Variants in CHCHD6 observed in about 807,000 individuals in gnomAD.
CHCHD6 encodes MICOS complex subunit MIC25.
A neutral mutation model predicts 32.3 loss-of-function variants in CHCHD6; 28 were observed. The ratio of observed to expected loss-of-function variants is 0.87; its 90% CI spans 0.64 to 1.19. The LOEUF is 1.19. CHCHD6 is among the 50% of genes most tolerant of loss of function. The pLI is 0.00. For synonymous variants in CHCHD6, 122 were observed against 117.5 expected (o/e 1.04, Z -0.25); for missense variants, 333 against 307.0 (o/e 1.08, Z -0.63).
At chr3:126,943,219 C>T (rs1271135859) in intron 6 of CHCHD6, among the ~76,000 whole-genome samples, 2 of 152,200 alleles carry the variant, frequency 1.3e-5, no homozygotes, top group Admixed American at 6.5e-5. Flanking sequence ...CACTACCACC[C>T]CACTCCCTGT....
At chr3:126,789,892 G>C (rs574193591) in intron 4 of CHCHD6, among the ~76,000 whole-genome samples, 1 of 126,654 alleles carries the variant, frequency 7.9e-6, no homozygotes, top group Non-Finnish European at 1.6e-5. Flanking sequence ...TATTTTGCTC[G>C]TTAGTTGATG....
intron 5 of CHCHD6, among the ~76,000 whole-genome samples, chr3:126,868,701 T>A (rs2077423233): frequency 6.6e-6 from 1 of 152,160 alleles, no homozygotes; most frequent in African/African-American, 2.4e-5. Context: ...TAGAACACAG[T>A]CTATTTTGAA....
chr3:126,727,162 G>A lies in CHCHD6; in HGVS notation c.172G>A (p.Gly58Ser). The A allele has an allele frequency of 6.2e-7, 1 of 1,612,942 alleles. No individual in the cohort carries two copies. Among genetic ancestry groups the A allele is most frequent in the Non-Finnish European group, 8.5e-7 (1 of 1,178,930 alleles). Residue 58 changes from glycine to serine, a missense_variant, in exon 2 of 8, where the codon GGC (glycine) becomes AGC (serine). Physicochemically the swap from Gly to Ser is moderately conservative, Grantham distance 56. Transcript: ENST00000290913. ...PTSSTFGLQD[G>S]NLRAPHKEST... ...ATCTTCTACCTTTGGCCTTCAAGAT[G>A]GCAACTTGAGAGCCCCTCACAAAGG...
intron 6 of CHCHD6, among the ~76,000 whole-genome samples, chr3:126,920,486 C>G (rs897243408): frequency 5.3e-5 from 8 of 152,164 alleles, no homozygotes; most frequent in African/African-American, 1.9e-4. Context: ...TTGGTGAGCT[C>G]TAAACCACAT....
intron 5 of CHCHD6, among the ~76,000 whole-genome samples, chr3:126,906,118 G>C (rs1225521497): frequency 6.6e-6 from 1 of 152,156 alleles, no homozygotes; most frequent in Non-Finnish European, 1.5e-5. Flanking sequence ...TCCCACTCCA[G>C]CTGCTGTCTT....
chr3:126,732,823 C>CCAGGAA (rs1935870019), intron 3 of CHCHD6, among the ~76,000 whole-genome samples: 2 of 152,226 alleles, frequency 1.3e-5, no homozygotes, highest in Admixed American at 6.5e-5. Context: ...GGCCAGGTCT[C>CCAGGAA]CTCCTGTTCC....
At chr3:126,941,305 T>C (rs1025998681) in intron 6 of CHCHD6, among the ~76,000 whole-genome samples, 3 of 152,260 alleles carry the variant, frequency 2.0e-5, no homozygotes, top group African/African-American at 7.2e-5. Context: ...CACCTAATCA[T>C]ATGCTAAATT....
intron 4 of CHCHD6, among the ~76,000 whole-genome samples, chr3:126,764,768 C>T (rs760275166): frequency 1.3e-5 from 2 of 152,172 alleles, no homozygotes; most frequent in South Asian, 2.1e-4. Flanking sequence ...TCCAGGCAAA[C>T]GGATCAGGCT....
chr3:126,757,921 A>G (rs1937023761), intron 4 of CHCHD6, among the ~76,000 whole-genome samples: 1 of 152,228 alleles, frequency 6.6e-6, no homozygotes, highest in Non-Finnish European at 1.5e-5. Flanking sequence ...GGTATAAACA[A>G]AACAAATCTG....
chr3:126,958,611 CTT>C (rs893861852), intron 7 of CHCHD6, among the ~76,000 whole-genome samples: 2 of 152,244 alleles, frequency 1.3e-5, no homozygotes, highest in Non-Finnish European at 2.9e-5. Flanking sequence ...TTGTTCCACT[CTT>C]TGCTGGTCAC....
chr3:126,736,221 G>A (rs530967372), intron 4 of CHCHD6, among the ~76,000 whole-genome samples: 16 of 152,324 alleles, frequency 1.1e-4, no homozygotes, highest in Middle Eastern at 3.4e-3. Flanking sequence ...TGCATCTTCC[G>A]CATGGAAAGG....
intron 4 of CHCHD6, among the ~76,000 whole-genome samples, chr3:126,832,508 A>T (rs1245840209): frequency 6.6e-6 from 1 of 152,026 alleles, no homozygotes; most frequent in Non-Finnish European, 1.5e-5. Context: ...AGCTGGCAAG[A>T]TCCTTCCTGC....
intron 1 of CHCHD6, among the ~76,000 whole-genome samples, chr3:126,713,259 C>T (rs1934844954): frequency 6.6e-6 from 1 of 152,170 alleles, no homozygotes; most frequent in Admixed American, 6.5e-5. Flanking sequence ...CGGGGAAAAG[C>T]TTGTCTCCCT....
intron 4 of CHCHD6, among the ~76,000 whole-genome samples, chr3:126,774,809 A>G (rs1161499637): frequency 2.0e-5 from 3 of 152,196 alleles, no homozygotes; most frequent in Non-Finnish European, 2.9e-5. Flanking sequence ...TTGTTATCTA[A>G]AAGTTTACTG....
intron 2 of CHCHD6, among the ~76,000 whole-genome samples, chr3:126,728,563 T>C (rs1022015016): frequency 2.0e-5 from 3 of 152,156 alleles, no homozygotes; most frequent in African/African-American, 7.2e-5. Flanking sequence ...TGTCCTTTAC[T>C]AATAGGGCTC....
At chr3:126,929,547 C>T (rs571189212) in intron 6 of CHCHD6, among the ~76,000 whole-genome samples, 1 of 151,432 alleles carries the variant, frequency 6.6e-6, no homozygotes, top group South Asian at 2.1e-4. Context: ...TATATAGATT[C>T]TGTCATCTCT....
intron 6 of CHCHD6, among the ~76,000 whole-genome samples, chr3:126,945,816 A>G (rs2078629457): frequency 1.3e-5 from 2 of 151,124 alleles, no homozygotes; most frequent in South Asian, 2.1e-4. Context: ...TGGGGAGACT[A>G]AAGGGGTAAA....
chr3:126,731,525 G>A (rs1935804048), intron 3 of CHCHD6, among the ~76,000 whole-genome samples: 1 of 152,138 alleles, frequency 6.6e-6, no homozygotes. Flanking sequence ...TATATATCAT[G>A]CACATGAGCA....
chr3:126,814,435 A>G (rs1263457430), intron 4 of CHCHD6, among the ~76,000 whole-genome samples: 1 of 152,230 alleles, frequency 6.6e-6, no homozygotes, highest in Non-Finnish European at 1.5e-5. Context: ...TAACTTCAGC[A>G]TGGGACTGGT....
Sources: gnomAD v4.1 joint callset for allele counts (sites outside exome capture counted in the v4.1 genomes callset) on GRCh38, gnomAD v4.1.1 for gene constraint, MANE v1.5 for transcripts, NCBI Gene and HGNC (gene_info 2026-07-23, HGNC 2026-07-21) for gene names.